The following NLGN3 variants were observed in gnomAD, a reference collection of about 807,000 sequenced individuals.
The protein encoded by NLGN3 is neuroligin-3.
A neutral mutation model predicts 42.9 loss-of-function variants in NLGN3; 11 were observed. The ratio of observed to expected loss-of-function variants is 0.26; its 90% CI spans 0.16 to 0.42. NLGN3 has a LOEUF of 0.42. Ranked by LOEUF, NLGN3 falls within the 10% of genes least tolerant of loss-of-function variation. NLGN3 has a pLI of 1.00. For synonymous variants in NLGN3, 279 were observed against 312.7 expected, an observed-to-expected ratio of 0.89 and a Z score of 1.14; for missense variants, 374 against 733.8, an observed-to-expected ratio of 0.51 and a Z score of 5.67.
At chrX:71,172,205 TC>T (rs1303285992), downstream of NLGN3, among the ~76,000 whole-genome samples, 1 of 111,242 alleles carries the variant, frequency 9.0e-6, no homozygotes, top group Non-Finnish European at 1.9e-5. Flanking sequence ...AACTGGTTTT[TC>T]CCCCTCCTTT....
chrX:71,170,218 C>T lies in NLGN3; in HGVS notation c.*121C>T. On this transcript the variant is annotated 3_prime_UTR_variant, in exon 8 of 8. Coordinates refer to ENST00000358741, the MANE Select transcript of NLGN3 (RefSeq NM_181303.2). The stretch of plus-strand genomic sequence containing the variant: ...ACACACACATATATGTATACGCACG[C>T]ACCCACACCCTACAGCAGATCCACC... 3 of 1,160,270 alleles carry T rather than the reference C, an allele frequency of 2.6e-6. No individual in the cohort carries two copies. Among genetic ancestry groups the T allele is most frequent in the Non-Finnish European group, 3.4e-6 (3 of 875,515 alleles).
At chrX:71,153,655 C>A in intron 4 of NLGN3, 119 bp downstream of exon 4, 1 of 689,638 alleles carries the variant, frequency 1.5e-6, no homozygotes, top group Non-Finnish European at 2.3e-6. Context: ...TGTTCCTGTA[C>A]AAGGCCGTTG....
intron 5 of NLGN3, 46 bp downstream of exon 5, chrX:71,155,409 G>C: frequency 8.4e-7 from 1 of 1,189,090 alleles, no homozygotes; most frequent in Non-Finnish European, 1.1e-6. Context: ...GGCTTCGCAA[G>C]GGGGGAGGAA....
intron 6 of NLGN3, 119 bp downstream of exon 6, chrX:71,164,447 C>A: frequency 1.4e-6 from 1 of 709,364 alleles, no homozygotes; most frequent in Non-Finnish European, 2.0e-6. Context: ...GCTTGGTATC[C>A]CTTTGGCAAG....
At chrX:71,171,890 G>C (rs951905808), downstream of NLGN3, among the ~76,000 whole-genome samples, 1 of 111,472 alleles carries the variant, frequency 9.0e-6, no homozygotes, top group Non-Finnish European at 1.9e-5. Flanking sequence ...TCAGTGACTT[G>C]AAAGACTGAA....
In NLGN3 at chrX:71,147,823, C is replaced by A. The variant is rs1276384512; in HGVS notation, c.74C>A (p.Thr25Asn). 8.3e-7 allele frequency: 1 copy of A among 1,210,088 alleles called. No homozygotes were observed. The highest frequency in any genetic ancestry group is 2.3e-4 in the Middle Eastern group (1 of 4,346). ...ACGGTTGGCAGGAGCCTGTGCCTCACCCTGTGGTTCCTCAGTTTGGCGCTG... is the reference window on the plus strand; with the variant it reads ...ACGGTTGGCAGGAGCCTGTGCCTCAACCTGTGGTTCCTCAGTTTGGCGCTG... ...KPTVGRSLCLTLWFLSLALRA... is the reference protein window; with the variant it reads ...KPTVGRSLCLNLWFLSLALRA... Residue 25 changes from threonine to asparagine, a missense_variant, in exon 2 of 8, where the codon ACC (threonine) becomes AAC (asparagine). Physicochemically the swap from Thr to Asn is moderately conservative, Grantham distance 65. Around this residue, in one of 6 missense-constraint regions of NLGN3, gnomAD observed 109 missense variants for 173.3 expected, o/e 0.63. Transcript: ENST00000358741.
At chrX:71,166,962 G>T (rs1169348517) in intron 6 of NLGN3, 49 bp from the exon 7 acceptor site, 1 of 1,053,964 alleles carries the variant, frequency 9.5e-7, no homozygotes, top group South Asian at 2.0e-5. Flanking sequence ...GAGATTTATG[G>T]CTATGTGTGA....
At chrX:71,167,856 T>G in intron 7 of NLGN3, 56 bp downstream of exon 7, 1 of 1,028,896 alleles carries the variant, frequency 9.7e-7, no homozygotes, top group East Asian at 3.0e-5. Flanking sequence ...CCCTCCCCTC[T>G]GCTCCTCTAG....
chrX:71,170,492 T>G lies in NLGN3; in HGVS notation c.*395T>G. ...TCTTGGAACTGCACCACCGACCAAC[T>G]CCAGACTTGGGAGCTTTAAAGAGCA... On this transcript the variant is annotated 3_prime_UTR_variant, in exon 8 of 8. Transcript: ENST00000358741. 1 of 863,166 alleles carries G rather than the reference T, an allele frequency of 1.2e-6. No homozygotes were observed. Among genetic ancestry groups the G allele is most frequent in the Non-Finnish European group, 1.4e-6 (1 of 707,222 alleles). 71.1% of individuals were successfully genotyped at this position (863,166 alleles called of 1,213,427 possible).
At chrX:71,156,107 C>T (rs994722130) in intron 5 of NLGN3, among the ~76,000 whole-genome samples, 1 of 110,552 alleles carries the variant, frequency 9.0e-6, no homozygotes, top group African/African-American at 3.3e-5. Context: ...CCCACACTCA[C>T]ACTTTACCCC....
In NLGN3 at chrX:71,147,564, G is replaced by A; in HGVS notation, c.-186G>A. On this transcript the variant is annotated 5_prime_UTR_variant, in exon 2 of 8. The change abolishes the stop of an existing upstream ORF in the 5' untranslated region. Transcript: ENST00000358741. ...TCTTTCCACAGGCCTGTCTGGCCCT[G>A]AGGGAGTCCCCTTTCTGAAGCTGTG... The A allele has an allele frequency of 2.1e-6, 1 of 476,106 alleles. No individual in the cohort carries two copies. The highest frequency in any genetic ancestry group is 3.7e-6 in the Non-Finnish European group (1 of 267,432). 39.2% of individuals were successfully genotyped at this position (476,106 alleles called of 1,213,427 possible).
chrX:71,158,157 A>C (rs1290601321), intron 5 of NLGN3, among the ~76,000 whole-genome samples: 1 of 110,023 alleles, frequency 9.1e-6, no homozygotes, highest in Non-Finnish European at 1.9e-5. Context: ...GGCTCATCGC[A>C]GCCTCGACCT....
intron 2 of NLGN3, among the ~76,000 whole-genome samples, chrX:71,148,515 G>A (rs113232567): frequency 4.5e-5 from 5 of 111,223 alleles, no homozygotes; most frequent in East Asian, 2.9e-4. Flanking sequence ...GCAGCTACCC[G>A]CGGGAGGATG....
chrX:71,168,735 GA>G (rs1167201152), intron 7 of NLGN3, among the ~76,000 whole-genome samples: 3 of 39,764 alleles, frequency 7.5e-5, no homozygotes, highest in Non-Finnish European at 1.6e-4. Context: ...AAAAAAAAAA[GA>G]AAAAAAAAGA....
rs368903760 is a variant in NLGN3 at position 71,150,893 on chromosome X, A to ATTG, written c.517+1992_517+1994dup. 5.4e-3 allele frequency among the ~76,000 whole-genome samples: 605 copies of ATTG among 111,087 alleles called. 1 individual carries two copies. Among genetic ancestry groups the ATTG allele is most frequent in the African/African-American group, 0.019 (584 of 30,593 alleles). On this transcript the variant is annotated intron_variant, in intron 3 of 7. Coordinates refer to ENST00000358741, the MANE Select transcript of NLGN3 (RefSeq NM_181303.2). Reference sequence around the variant, plus strand: ...CAAACATGCACATTTACCAATCGTGATTGTTGACTGTGGGCAAGGCCATGT... The same window carrying ATTG: ...CAAACATGCACATTTACCAATCGTGATTGTTGTTGACTGTGGGCAAGGCCATGT...
At chrX:71,153,557 G>A (rs751783047) in intron 4 of NLGN3, 21 bp downstream of exon 4, 9 of 1,183,468 alleles carry the variant, frequency 7.6e-6, no homozygotes, top group East Asian at 6.0e-5. Flanking sequence ...GCTGCAGGGC[G>A]CGGCGGCTGG....
intron 5 of NLGN3, among the ~76,000 whole-genome samples, chrX:71,162,738 T>C (rs191065839): frequency 8.9e-6 from 1 of 111,742 alleles, no homozygotes; most frequent in African/African-American, 3.3e-5. Context: ...AGTGGTGAGG[T>C]CTTGTGACTG....
chrX:71,146,080 A>C (rs953181350), intron 1 of NLGN3, among the ~76,000 whole-genome samples: 44 of 44,983 alleles, frequency 9.8e-4, no homozygotes, highest in Non-Finnish European at 1.2e-3. Context: ...CTGAGCCCCC[A>C]CCCCTTTAGC....
chrX:71,155,582 T>C (rs1475434168), intron 5 of NLGN3, among the ~76,000 whole-genome samples: 1 of 111,804 alleles, frequency 8.9e-6, no homozygotes, highest in Non-Finnish European at 1.9e-5. Flanking sequence ...GAAATTCAAT[T>C]CAAACTTCAC....
Sources: allele counts gnomAD v4.1 joint callset (sites outside exome capture counted in the v4.1 genomes callset), GRCh38; gene constraint gnomAD v4.1.1; regional missense constraint gnomAD v4.1.1; transcripts MANE v1.5; gene names NCBI Gene and HGNC (gene_info 2026-07-23, HGNC 2026-07-21).